GDAP1: variants seen among roughly 807,000 people sequenced by gnomAD.
The protein encoded by GDAP1 is ganglioside-induced differentiation-associated protein 1.
In GDAP1, 34 loss-of-function variants were observed where a neutral mutation model predicts 40.1. The observed-to-expected ratio is 0.85, with a 90% CI of 0.64 to 1.13. GDAP1 has a LOEUF of 1.13. Among genes scored for constraint, GDAP1 ranks in the 50% most tolerant of loss-of-function variants. The probability of loss-of-function intolerance (pLI) is 0.00; values close to 1 mark genes in which losing one functional copy is unlikely to be tolerated. For synonymous variants in GDAP1, 170 were observed against 157.4 expected, an observed-to-expected ratio of 1.08 and a Z score of -0.60; for missense variants, 374 against 433.7, an observed-to-expected ratio of 0.86 and a Z score of 1.22.
chr8:74,472,093 C>T (rs1806564767), intron 2 of GDAP1, among the ~76,000 whole-genome samples: 1 of 152,180 alleles, frequency 6.6e-6, no homozygotes, highest in Admixed American at 6.5e-5. Context: ...CCTCCTCTCA[C>T]ACTCCACTCT....
intron 2 of GDAP1, among the ~76,000 whole-genome samples, chr8:74,475,211 A>AT (rs1185847938): frequency 4.0e-5 from 6 of 149,976 alleles, no homozygotes; most frequent in African/African-American, 1.2e-4. Context: ...CTATCTTATT[A>AT]TTATTTTTTT....
At chr8:74,362,761 C>T (rs934664206) in intron 4 of GDAP1, among the ~76,000 whole-genome samples, 178 bp from the exon 5 acceptor site, 1 of 135,864 alleles carries the variant, frequency 7.4e-6, no homozygotes, top group Non-Finnish European at 1.5e-5. Context: ...GGATATTTCC[C>T]TTCAACTTAG....
rs964189569 is a variant in GDAP1, at chr8:74,416,813, G to A, written c.165+65492G>A. 5.1e-4 allele frequency among the ~76,000 whole-genome samples: 77 copies of A among 150,090 alleles called. 8 individuals are homozygous for A. Among genetic ancestry groups the A allele is most frequent in the African/African-American group, 1.9e-3 (75 of 39,416 alleles). ...CAGGGACTCCTGCTCCTAGGGGGAA[G>A]GGGAGTGCACTGCATCAAAGGAGCA... On this transcript the variant is annotated intron_variant, in intron 2 of 2. Coordinates refer to the GDAP1 transcript ENST00000523640.
At chr8:74,486,588 G>A (rs1388346528) in intron 2 of GDAP1, among the ~76,000 whole-genome samples, 2 of 152,168 alleles carry the variant, frequency 1.3e-5, no homozygotes, top group Non-Finnish European at 1.5e-5. Context: ...AAAAGAGAAC[G>A]TACTGTTCTT....
At chr8:74,423,514 T>A (rs1805909138) in intron 2 of GDAP1, among the ~76,000 whole-genome samples, 1 of 151,210 alleles carries the variant, frequency 6.6e-6, no homozygotes, top group Non-Finnish European at 1.5e-5. Flanking sequence ...ACTGATGATG[T>A]TGTCATTAGT....
At chr8:74,398,018 C>G (rs1477901783) in intron 2 of GDAP1, among the ~76,000 whole-genome samples, 1 of 151,518 alleles carries the variant, frequency 6.6e-6, no homozygotes, top group African/African-American at 2.4e-5. Flanking sequence ...TGTTTGTATC[C>G]TCTTTTATTT....
chr8:74,475,144 T>G (rs1317999874), intron 2 of GDAP1, among the ~76,000 whole-genome samples: 4 of 152,184 alleles, frequency 2.6e-5, no homozygotes, highest in Non-Finnish European at 5.9e-5. Context: ...TCATTTCTAA[T>G]TGTGTTTATT....
At chr8:74,443,980 GTCTA>G (rs34362360) in intron 2 of GDAP1, among the ~76,000 whole-genome samples, 26,868 of 147,252 alleles carry the variant, frequency 0.18, 2,515 homozygotes, top group Middle Eastern at 0.21. Context: ...CTTTCTGTCT[GTCTA>G]TCTATCTATC....
intron 2 of GDAP1, among the ~76,000 whole-genome samples, chr8:74,484,031 G>C (rs1005502215): frequency 6.6e-6 from 1 of 152,102 alleles, no homozygotes; most frequent in Non-Finnish European, 1.5e-5. Flanking sequence ...TTTATTGGAG[G>C]CAAGAGAAAA....
intron 2 of GDAP1, among the ~76,000 whole-genome samples, chr8:74,409,403 G>C (rs1221175500): frequency 6.7e-6 from 1 of 149,718 alleles, no homozygotes; most frequent in Non-Finnish European, 1.5e-5. Flanking sequence ...CCAGACTGGA[G>C]TGCAGTGGTG....
intron 2 of GDAP1, among the ~76,000 whole-genome samples, chr8:74,443,260 T>C (rs1271813724): frequency 6.6e-6 from 1 of 152,162 alleles, no homozygotes; most frequent in Non-Finnish European, 1.5e-5. Flanking sequence ...AATGCTGGTT[T>C]AGGCCAATGG....
intron 2 of GDAP1, among the ~76,000 whole-genome samples, chr8:74,464,104 C>T (rs1264847482): frequency 6.6e-6 from 1 of 152,018 alleles, no homozygotes; most frequent in Non-Finnish European, 1.5e-5. Context: ...TTTTAAAGGA[C>T]AAATCTGGGT....
chr8:74,428,354 A>G (rs1174736562), intron 2 of GDAP1, among the ~76,000 whole-genome samples: 1 of 152,212 alleles, frequency 6.6e-6, no homozygotes, highest in Non-Finnish European at 1.5e-5. Context: ...GTGAAATACA[A>G]TGGTGGTGTC....
chr8:74,364,335 T>G lies in GDAP1; in HGVS notation c.1045T>G (p.Leu349Val). The change falls in exon 6 of 6, where the codon TTA (leucine) becomes GTA (valine). Residue 349 changes from leucine to valine, a missense_variant. Leu to Val is a conservative substitution (Grantham distance 32). Transcript: ENST00000220822. ...LFRKRLGSMI[L>V]AFRPRPNYF ...CAGAAAGAGGCTTGGCAGCATGATA[T>G]TAGCATTTAGACCCAGACCAAATTA... The G allele has an allele frequency of 6.2e-7, 1 of 1,614,062 alleles. No homozygotes were observed. Among genetic ancestry groups the G allele is most frequent in the Non-Finnish European group, 8.5e-7 (1 of 1,179,950 alleles).
intron 2 of GDAP1, among the ~76,000 whole-genome samples, chr8:74,401,316 CTGATACCCGTTCTTCCAGT>C (rs1283411102): frequency 6.7e-6 from 1 of 149,664 alleles, no homozygotes; most frequent in African/African-American, 2.6e-5. Context: ...TCTTCCATCA[CTGATACCCGTTCTTCCAGT>C]TGATCGCATT....
intron 2 of GDAP1, among the ~76,000 whole-genome samples, chr8:74,471,346 C>CT (rs1237678087): frequency 2.6e-5 from 4 of 151,830 alleles, no homozygotes; most frequent in African/African-American, 9.7e-5. Flanking sequence ...TTCACTTCAT[C>CT]TTTTTTCCCT....
intron 2 of GDAP1, among the ~76,000 whole-genome samples, chr8:74,402,101 T>A (rs2131549497): frequency 6.7e-6 from 1 of 150,324 alleles, no homozygotes; most frequent in East Asian, 1.9e-4. Flanking sequence ...ACAGGGACAT[T>A]TAAGTCTGCA....
chr8:74,487,982 T>C (rs776483793), intron 2 of GDAP1, among the ~76,000 whole-genome samples: 3 of 152,156 alleles, frequency 2.0e-5, no homozygotes, highest in South Asian at 2.1e-4. Flanking sequence ...TCAACAGACT[T>C]GTTCATATGC....
chr8:74,473,349 C>T lies in GDAP1; in HGVS notation c.166-15329C>T, dbSNP rs1056323752. Among the ~76,000 whole-genome samples the T allele has an allele frequency of 5.9e-5, 9 of 152,166 alleles. No individual in the cohort carries two copies. In the South Asian group the frequency reaches 1.9e-3, roughly 32 times the overall value. On this transcript the variant is annotated intron_variant, in intron 2 of 2. Transcript: ENST00000523640. ...CTTTTGTTGCAAATGTTTTTGATGTCTTCATTATGAAATCTCTGTCCATTC... is the reference window on the plus strand; with the variant it reads ...CTTTTGTTGCAAATGTTTTTGATGTTTTCATTATGAAATCTCTGTCCATTC...
Sources: allele counts gnomAD v4.1 joint callset (sites outside exome capture counted in the v4.1 genomes callset), GRCh38; gene constraint gnomAD v4.1.1; transcripts MANE v1.5; gene names NCBI Gene and HGNC (gene_info 2026-07-23, HGNC 2026-07-21).